TVP23A: variants seen among roughly 807,000 people sequenced by gnomAD.
TVP23A encodes the protein Golgi apparatus membrane protein TVP23 homolog A.
Under a neutral mutation model 31.7 loss-of-function variants are expected in TVP23A, and 21 were observed. The ratio of observed to expected loss-of-function variants is 0.66; its 90% CI spans 0.47 to 0.95. TVP23A has a LOEUF of 0.95. Among genes scored for constraint, TVP23A ranks in the 40% least tolerant of loss-of-function variants. The probability of loss-of-function intolerance (pLI) is 0.00; values close to 1 mark genes in which losing one functional copy is unlikely to be tolerated. For missense variants in TVP23A, 279 were observed against 255.6 expected, an observed-to-expected ratio of 1.09 and a Z score of -0.62; for synonymous variants, 104 against 96.0, an observed-to-expected ratio of 1.08 and a Z score of -0.49.
At chr16:10,764,715 G>A (rs1267881470), downstream of TVP23A, among the ~76,000 whole-genome samples, 1 of 151,688 alleles carries the variant, frequency 6.6e-6, no homozygotes, top group African/African-American at 2.4e-5. Context: ...CAGTCTGCTG[G>A]AGTATGTCAG....
Position 10,818,706 on chromosome 16 carries a change from C to A in TVP23A, c.-213G>T. 1 of 537,126 alleles carries A rather than the reference C, an allele frequency of 1.9e-6. No individual in the cohort carries two copies. Among genetic ancestry groups the A allele is most frequent in the Non-Finnish European group, 3.1e-6 (1 of 320,852 alleles). The allele number at this position is 537,126 out of a possible 1,614,324, so 33.3% of individuals were successfully genotyped here. On this transcript the variant is annotated 5_prime_UTR_variant, in exon 1 of 8. Coordinates refer to ENST00000299866, the MANE Select transcript of TVP23A (RefSeq NM_001079512.4). The surrounding 1 kb of genome is among the most constrained non-coding windows in gnomAD (Gnocchi z 4.7). ...GCGCAGTCGCAGGCTGGGGAGGGGGCTCGGCTCGCCGGGGACGCGCCCAGG... is the reference window on the plus strand; with the variant it reads ...GCGCAGTCGCAGGCTGGGGAGGGGGATCGGCTCGCCGGGGACGCGCCCAGG...
intron 2 of TVP23A, among the ~76,000 whole-genome samples, chr16:10,803,314 C>T (rs371188205): frequency 7.1e-6 from 1 of 141,354 alleles, no homozygotes; most frequent in South Asian, 2.2e-4. Context: ...AGCAAGACTC[C>T]GTCTCAAAAC....
At chr16:10,811,512 C>T (rs111677933) in intron 2 of TVP23A, among the ~76,000 whole-genome samples, 27 of 152,172 alleles carry the variant, frequency 1.8e-4, no homozygotes, top group African/African-American at 6.0e-4. Context: ...TCAAGCAATC[C>T]ACCTGACTCA....
chr16:10,775,418 C>T (rs2031941663), intron 2 of TVP23A: 18 of 1,130,318 alleles, frequency 1.6e-5, no homozygotes, highest in Non-Finnish European at 2.0e-5. Context: ...TCACTGCCTT[C>T]CCGCCTAGCA....
exon 9 of TVP23A, chr16:10,761,257 G>A (rs1172097841): frequency 5.9e-6 from 6 of 1,009,738 alleles, no homozygotes; most frequent in Middle Eastern, 2.2e-4. Context: ...AAACCTCTAA[G>A]GCTTTATGAT....
At chr16:10,774,273 G>T in intron 3 of TVP23A, 145 bp from the exon 4 acceptor site, 1 of 553,588 alleles carries the variant, frequency 1.8e-6, no homozygotes, top group South Asian at 3.0e-5. Context: ...TGGATTCTCA[G>T]ATGTCAAGAC....
chr16:10,764,119 C>G (rs192568633), downstream of TVP23A, among the ~76,000 whole-genome samples: 518 of 148,292 alleles, frequency 3.5e-3, 1 homozygote, highest in African/African-American at 0.012. Flanking sequence ...AGTATCTCAG[C>G]CCACGGGAGC....
intron 8 of TVP23A, chr16:10,761,609 C>A: frequency 1.0e-6 from 1 of 982,118 alleles, no homozygotes; most frequent in Non-Finnish European, 1.5e-6. Context: ...AAATCCCTTT[C>A]TGCTGACTAA....
Position 10,777,775 on chromosome 16 carries a change from G to A in TVP23A, c.90-2679C>T, listed in dbSNP as rs560381986. Among the ~76,000 whole-genome samples, 1 of 152,306 alleles carries A rather than the reference G, an allele frequency of 6.6e-6. No individual in the cohort carries two copies. The highest frequency in any genetic ancestry group is 6.5e-5 in the Admixed American group (1 of 15,298). ...GCCTGTAATCCCAGCACTTTGGGAGGCTGAGGCAGGTGGATCACGAGGTCA... is the reference window on the plus strand; with the variant it reads ...GCCTGTAATCCCAGCACTTTGGGAGACTGAGGCAGGTGGATCACGAGGTCA... On this transcript the variant is annotated intron_variant, in intron 2 of 7. Coordinates refer to ENST00000299866, the MANE Select transcript of TVP23A (RefSeq NM_001079512.4). This position sits in a 1 kb window ranked among gnomAD's most constrained non-coding sequence, Gnocchi z 4.5.
chr16:10,790,050 T>C (rs570021010), intron 2 of TVP23A, among the ~76,000 whole-genome samples: 80 of 152,230 alleles, frequency 5.3e-4, no homozygotes, highest in African/African-American at 1.9e-3. Context: ...CAAGGTTCTT[T>C]TGAAGTCTTA....
At chr16:10,775,226 A>T (rs921506294) in intron 2 of TVP23A, 130 bp from the exon 3 acceptor site, 1 of 1,461,192 alleles carries the variant, frequency 6.8e-7, no homozygotes, top group South Asian at 1.4e-5. Context: ...GGTGCATATG[A>T]CGCAGAAACT....
rs2033682421 is a variant in TVP23A at position 10,801,273 on chromosome 16, T to C, written c.89+16830A>G. Among the ~76,000 whole-genome samples, 2 of 152,170 alleles carry C rather than the reference T, an allele frequency of 1.3e-5. 1 individual carries two copies. Among genetic ancestry groups the C allele is most frequent in the South Asian group, 4.1e-4 (2 of 4,828 alleles). ...AAAATGTCCCTTTATCCTAACATCA[T>C]TTCTGCAGTATCTCTGCCAAGAAGC... is the stretch of plus-strand genomic sequence containing the variant. On this transcript the variant is annotated intron_variant, in intron 2 of 7. Transcript: ENST00000299866.
At chr16:10,802,651 T>C (rs1241175890) in intron 2 of TVP23A, among the ~76,000 whole-genome samples, 1 of 152,210 alleles carries the variant, frequency 6.6e-6, no homozygotes, top group Non-Finnish European at 1.5e-5. Context: ...GTAAGTCTGA[T>C]ATTATTTCAA....
At position 10,818,703 on chromosome 16, in the gene TVP23A, G is replaced by A. The variant is rs924053876; in HGVS notation, c.-210C>T. The A allele has an allele frequency of 1.5e-5, 8 of 547,100 alleles. No homozygotes were observed. The highest frequency in any genetic ancestry group is 4.0e-5 in the African/African-American group (2 of 49,508). The allele number at this position is 547,100 out of a possible 1,614,324, so 33.9% of individuals were successfully genotyped here. On this transcript the variant is annotated 5_prime_UTR_variant, in exon 1 of 8. Coordinates refer to ENST00000299866, the MANE Select transcript of TVP23A (RefSeq NM_001079512.4). This position sits in a 1 kb window ranked among gnomAD's most constrained non-coding sequence, Gnocchi z 4.7. Reference sequence around the variant, plus strand: ...AAGGCGCAGTCGCAGGCTGGGGAGGGGGCTCGGCTCGCCGGGGACGCGCCC... The same window carrying A: ...AAGGCGCAGTCGCAGGCTGGGGAGGAGGCTCGGCTCGCCGGGGACGCGCCC...
chr16:10,770,573 AAAAAC>A (rs1364221565), intron 6 of TVP23A, among the ~76,000 whole-genome samples: 2 of 151,010 alleles, frequency 1.3e-5, no homozygotes, highest in African/African-American at 2.4e-5. Context: ...GTTAAAAAAA[AAAAAC>A]AAAACAAAAA....
In TVP23A at chr16:10,767,054, A is replaced by G. The variant is rs2030987508; in HGVS notation, c.*2048T>C. ...GGCGACACAGTAGTGAAGTTGAGGA[A>G]ATGATGAGTGCTAGGTAGGAACCCC... is the stretch of plus-strand genomic sequence containing the variant. On this transcript the variant is annotated 3_prime_UTR_variant, in exon 8 of 8. Coordinates refer to ENST00000299866, the MANE Select transcript of TVP23A (RefSeq NM_001079512.4). The surrounding 1 kb of genome is among the most constrained non-coding windows in gnomAD (Gnocchi z 4.6). 3 of 398,708 alleles carry G rather than the reference A, an allele frequency of 7.5e-6. No individual in the cohort carries two copies. Among genetic ancestry groups the G allele is most frequent in the Non-Finnish European group, 1.3e-5 (3 of 226,120 alleles). 24.7% of individuals were successfully genotyped at this position (398,708 alleles called of 1,614,324 possible).
At chr16:10,810,480 G>A (rs1347586292) in intron 2 of TVP23A, among the ~76,000 whole-genome samples, 1 of 151,576 alleles carries the variant, frequency 6.6e-6, no homozygotes, top group Admixed American at 6.6e-5. Context: ...CCGGGAGGTG[G>A]AGGCTGCAGT....
downstream of TVP23A, among the ~76,000 whole-genome samples, chr16:10,765,481 C>A (rs1003659585): frequency 2.0e-5 from 3 of 152,124 alleles, no homozygotes; most frequent in Non-Finnish European, 4.4e-5. This position sits in a 1 kb window ranked among gnomAD's most constrained non-coding sequence, Gnocchi z 4.0. Flanking sequence ...GCACTCCAGC[C>A]TGGGCGACAG....
intron 6 of TVP23A, among the ~76,000 whole-genome samples, chr16:10,770,868 C>CAAAAAAAAAAAAAAAAAAAAAAA (rs376701429): frequency 1.5e-5 from 1 of 66,460 alleles, no homozygotes. Context: ...ACTCCCATCT[C>CAAAAAAAAAAAAAAAAAAAAAAA]AAAAAAAAAA....
Sources: gnomAD v4.1 joint callset for allele counts (sites outside exome capture counted in the v4.1 genomes callset) on GRCh38, gnomAD v4.1.1 for gene constraint, Gnocchi (gnomAD v3.1) non-coding constraint, MANE v1.5 for transcripts, NCBI Gene and HGNC (gene_info 2026-07-23, HGNC 2026-07-21) for gene names.